The following TAFA4 variants were observed in gnomAD, a reference collection of about 807,000 sequenced individuals.
The protein encoded by TAFA4 is chemokine-like protein TAFA-4.
TAFA4 carries 20 observed loss-of-function variants against 21.1 expected under a neutral mutation model. The observed-to-expected ratio is 0.95, with a 90% CI of 0.67 to 1.38. The LOEUF (loss-of-function observed/expected upper bound fraction) is 1.38, where lower values mean the gene tolerates loss of function less well. TAFA4 is among the 40% of genes most tolerant of loss of function. TAFA4 has a pLI of 0.00. For synonymous variants in TAFA4, 71 were observed against 67.4 expected, an observed-to-expected ratio of 1.05 and a Z score of -0.26; for missense variants, 211 against 180.9, an observed-to-expected ratio of 1.17 and a Z score of -0.95.
intron 3 of TAFA4, among the ~76,000 whole-genome samples, chr3:68,872,686 T>G (rs1436507510): frequency 1.3e-5 from 2 of 152,124 alleles, no homozygotes; most frequent in Non-Finnish European, 2.9e-5. Flanking sequence ...ACAACTATTA[T>G]GTAGCAATAA....
chr3:68,914,988 T>G (rs1440029537), intron 1 of TAFA4, among the ~76,000 whole-genome samples: 6 of 152,372 alleles, frequency 3.9e-5, no homozygotes, highest in Admixed American at 1.3e-4. Flanking sequence ...TTTTTCCCAC[T>G]ATAACAGTAG....
intron 3 of TAFA4, among the ~76,000 whole-genome samples, chr3:68,877,700 A>G (rs1231926971): frequency 1.3e-5 from 2 of 152,222 alleles, no homozygotes; most frequent in Admixed American, 6.5e-5. Flanking sequence ...TCAGCTTACT[A>G]GAACAATGAA....
intron 1 of TAFA4, among the ~76,000 whole-genome samples, chr3:68,908,392 A>T (rs2106999035): frequency 6.6e-6 from 1 of 152,260 alleles, no homozygotes; most frequent in African/African-American, 2.4e-5. Context: ...ACGAGGCTCT[A>T]TCCAGAGCCT....
At chr3:68,840,710 C>A (rs544539786) in intron 3 of TAFA4, among the ~76,000 whole-genome samples, 1 of 152,188 alleles carries the variant, frequency 6.6e-6, no homozygotes, top group East Asian at 1.9e-4. Context: ...CTGGTCCCTC[C>A]CATATAGAAA....
At chr3:68,858,024 G>T (rs1705109864) in intron 3 of TAFA4, among the ~76,000 whole-genome samples, 2 of 151,992 alleles carry the variant, frequency 1.3e-5, no homozygotes, top group African/African-American at 4.8e-5. Context: ...AGTCTCCAGG[G>T]AGAGTGGCCC....
At chr3:68,853,175 A>C (rs1704989753) in intron 3 of TAFA4, among the ~76,000 whole-genome samples, 1 of 152,150 alleles carries the variant, frequency 6.6e-6, no homozygotes, top group South Asian at 2.1e-4. Flanking sequence ...AGAGTGTCAC[A>C]ATGTTTATAT....
Position 68,802,232 on chromosome 3 carries a change from T to C in TAFA4, c.131-49214A>G, listed in dbSNP as rs150090176. On this transcript the variant is annotated intron_variant, in intron 3 of 5. Coordinates refer to ENST00000295569, the MANE Select transcript of TAFA4 (RefSeq NM_182522.5). ...TCTAATTGACATTTTATAAATGGTA[T>C]CTTTTTCTAAGTGTTCCATTTTGAT... 4.5e-3 allele frequency among the ~76,000 whole-genome samples: 683 copies of C among 152,298 alleles called. 3 individuals carry two copies. Among genetic ancestry groups the C allele is most frequent in the African/African-American group, 0.016 (650 of 41,578 alleles).
intron 3 of TAFA4, among the ~76,000 whole-genome samples, chr3:68,810,590 G>C (rs567952765): frequency 3.3e-5 from 5 of 152,306 alleles, no homozygotes; most frequent in Non-Finnish European, 2.9e-5. Context: ...ACAGCAGTCT[G>C]AGATCAAACT....
intron 3 of TAFA4, among the ~76,000 whole-genome samples, chr3:68,842,234 C>T (rs917543490): frequency 1.3e-5 from 2 of 152,192 alleles, no homozygotes; most frequent in East Asian, 1.9e-4. Flanking sequence ...TTAATGATCA[C>T]CATTCTAACT....
intron 3 of TAFA4, among the ~76,000 whole-genome samples, chr3:68,839,395 A>G (rs1283699368): frequency 6.6e-6 from 1 of 151,994 alleles, no homozygotes; most frequent in African/African-American, 2.4e-5. Context: ...CCATTTGAGC[A>G]CATTAGAAAT....
chr3:68,867,208 G>C (rs556873721), intron 3 of TAFA4, among the ~76,000 whole-genome samples: 1 of 152,100 alleles, frequency 6.6e-6, no homozygotes, highest in African/African-American at 2.4e-5. Context: ...ATAACATGTT[G>C]AGGAGCTCTG....
At chr3:68,799,875 C>A (rs190285822) in intron 3 of TAFA4, among the ~76,000 whole-genome samples, 2 of 152,184 alleles carry the variant, frequency 1.3e-5, no homozygotes, top group East Asian at 3.9e-4. Flanking sequence ...ACAGCCGCTC[C>A]CCATCACTCA....
intron 1 of TAFA4, among the ~76,000 whole-genome samples, chr3:68,906,787 T>C (rs1172577183): frequency 1.3e-5 from 2 of 152,054 alleles, no homozygotes; most frequent in Admixed American, 1.3e-4. Flanking sequence ...CTCAGCACTT[T>C]GGGAGGCCGA....
At position 68,841,150 on chromosome 3, in the gene TAFA4, C is replaced by T. The variant is rs1298897313; in HGVS notation, c.130+39580G>A. On this transcript the variant is annotated intron_variant, in intron 3 of 5. Coordinates refer to ENST00000295569, the MANE Select transcript of TAFA4 (RefSeq NM_182522.5). The stretch of plus-strand genomic sequence containing the variant: ...CATCCCGGCTAAAACGGTGAAACCC[C>T]GTCTCTACTAAAAATACAAAAAATT... Among the ~76,000 whole-genome samples the T allele has an allele frequency of 4.6e-5, 6 of 129,326 alleles. 2 individuals are homozygous for T. The highest frequency in any genetic ancestry group is 1.5e-4 in the Admixed American group (2 of 13,296). 84.8% of individuals were successfully genotyped at this position (129,326 alleles called of 152,430 possible).
chr3:68,931,503 C>T (rs1170881582), intron 1 of TAFA4, among the ~76,000 whole-genome samples: 2 of 152,224 alleles, frequency 1.3e-5, no homozygotes, highest in Admixed American at 1.3e-4. Context: ...CAGTTCCAAT[C>T]CTCTCCCGAG....
chr3:68,835,735 A>C (rs1704509583), intron 3 of TAFA4, among the ~76,000 whole-genome samples: 1 of 152,246 alleles, frequency 6.6e-6, no homozygotes, highest in Non-Finnish European at 1.5e-5. Flanking sequence ...AAGAATGCTT[A>C]GAAATGATGA....
intron 3 of TAFA4, among the ~76,000 whole-genome samples, chr3:68,799,870 C>G (rs144191658): frequency 3.3e-5 from 5 of 152,076 alleles, no homozygotes; most frequent in East Asian, 1.9e-4. Flanking sequence ...TATTTACAGC[C>G]GCTCCCCATC....
intron 3 of TAFA4, among the ~76,000 whole-genome samples, chr3:68,858,879 A>G (rs552230173): frequency 6.6e-6 from 1 of 152,150 alleles, no homozygotes; most frequent in East Asian, 1.9e-4. Flanking sequence ...TCATTCTGGA[A>G]TATCTGAGTC....
chr3:68,734,645 A>C (rs560575482), intron 5 of TAFA4, among the ~76,000 whole-genome samples: 4 of 152,262 alleles, frequency 2.6e-5, no homozygotes, highest in African/African-American at 9.6e-5. Flanking sequence ...TGAGCAACTG[A>C]ATGATGGAGT....
Sources: allele counts gnomAD v4.1 joint callset (sites outside exome capture counted in the v4.1 genomes callset), GRCh38; gene constraint gnomAD v4.1.1; transcripts MANE v1.5; gene names NCBI Gene and HGNC (gene_info 2026-07-23, HGNC 2026-07-21).